The following BCORL1 variants were observed in gnomAD, a reference collection of about 807,000 sequenced individuals.
BCORL1 encodes BCL-6 corepressor-like protein 1.
BCORL1 carries 7 observed loss-of-function variants against 87.6 expected under a neutral mutation model. The observed-to-expected ratio is 0.08, with a 90% confidence interval of 0.05 to 0.15. The LOEUF is 0.15. Among genes scored for constraint, BCORL1 ranks in the 10% least tolerant of loss-of-function variants. BCORL1 has a pLI of 1.00. For missense variants in BCORL1, 1,215 were observed against 1,499.7 expected (o/e 0.81, Z 3.13); for synonymous variants, 591 against 634.4 (o/e 0.93, Z 1.03).
chrX:130,042,361 C>T (rs1469879925), intron 11 of BCORL1, among the ~76,000 whole-genome samples: 1 of 112,233 alleles, frequency 8.9e-6, no homozygotes, highest in Admixed American at 9.5e-5. Flanking sequence ...TCCCAAAGTG[C>T]TGGAATTACA....
At chrX:130,033,485 G>T (rs1355310267) in intron 8 of BCORL1, among the ~76,000 whole-genome samples, 1 of 112,565 alleles carries the variant, frequency 8.9e-6, no homozygotes, top group Non-Finnish European at 1.9e-5. Context: ...CTCAGAGAGG[G>T]AGGGCCTTGC....
intron 11 of BCORL1, among the ~76,000 whole-genome samples, chrX:130,043,744 T>A (rs1326044383): frequency 2.4e-5 from 1 of 41,150 alleles, no homozygotes; most frequent in Admixed American, 3.4e-4. Flanking sequence ...CCAGCTAATT[T>A]GTTATATATA....
Position 130,005,296 on chromosome X carries a change from T to C in BCORL1, c.65T>C (p.Met22Thr). The change falls in exon 2 of 14, where the codon ATG becomes ACG. Residue 22 changes from methionine (M) to threonine (T), a missense_variant. Met to Thr is a moderately conservative substitution (Grantham distance 81). Transcript: ENST00000540052. ...HNWTSSDRIRMCGINEERRAP... is the reference protein window; with the variant it reads ...HNWTSSDRIRTCGINEERRAP... ...TGGACCAGTTCTGACCGGATTCGCA[T>C]GTGTGGCATCAACGAGGAGAGGTGA... 2 of 1,211,879 alleles carry C rather than the reference T, an allele frequency of 1.7e-6. No homozygotes were observed. The highest frequency in any genetic ancestry group is 2.2e-6 in the Non-Finnish European group (2 of 895,418).
chrX:129,999,297 C>CTTTTTTTT (rs1213156086), intron 1 of BCORL1, among the ~76,000 whole-genome samples: 1 of 39,091 alleles, frequency 2.6e-5, no homozygotes, highest in African/African-American at 1.1e-4. Flanking sequence ...TGAAACACAT[C>CTTTTTTTT]TTTTTTTTTT....
chrX:130,030,821 C>T (rs775379828), intron 8 of BCORL1, among the ~76,000 whole-genome samples: 34 of 112,109 alleles, frequency 3.0e-4, no homozygotes, highest in African/African-American at 9.1e-4. Context: ...GCAGTGGGTC[C>T]GCTGCAGTGT....
intron 4 of BCORL1, among the ~76,000 whole-genome samples, chrX:130,016,978 A>G (rs1322087138): frequency 8.9e-6 from 1 of 111,892 alleles, no homozygotes; most frequent in Non-Finnish European, 1.9e-5. Flanking sequence ...TTTATTAAAA[A>G]TCTAGAACAA....
intron 7 of BCORL1, among the ~76,000 whole-genome samples, chrX:130,026,255 G>GCTGT (rs1191326839): frequency 1.8e-5 from 2 of 112,273 alleles, no homozygotes; most frequent in Non-Finnish European, 3.8e-5. Flanking sequence ...GTAAACATCC[G>GCTGT]CTGTCTCCTT....
intron 1 of BCORL1, among the ~76,000 whole-genome samples, chrX:130,001,048 C>T (rs750423791): frequency 6.4e-5 from 7 of 109,925 alleles, no homozygotes; most frequent in Non-Finnish European, 1.3e-4. Flanking sequence ...CGTAAGGTGT[C>T]GTGGAGGAAA....
intron 6 of BCORL1, among the ~76,000 whole-genome samples, chrX:130,024,425 CCTT>C (rs1433093172): frequency 3.6e-5 from 4 of 111,133 alleles, no homozygotes; most frequent in Non-Finnish European, 5.7e-5. Context: ...GAAAGGGACT[CCTT>C]CTTGCTTCGC....
intron 4 of BCORL1, among the ~76,000 whole-genome samples, chrX:130,020,470 T>C (rs190391263): frequency 8.9e-6 from 1 of 112,277 alleles, no homozygotes; most frequent in African/African-American, 3.2e-5. Flanking sequence ...GTTTTTCTTC[T>C]TGCCTTAGTT....
chrX:130,008,725 G>A (rs969969661), intron 2 of BCORL1, among the ~76,000 whole-genome samples: 2 of 111,750 alleles, frequency 1.8e-5, no homozygotes, highest in East Asian at 2.8e-4. Context: ...TTTACAACTT[G>A]TAGAATTTAG....
intron 2 of BCORL1, among the ~76,000 whole-genome samples, chrX:130,006,488 G>A (rs1928507368): frequency 9.2e-6 from 1 of 108,625 alleles, no homozygotes; most frequent in Non-Finnish European, 1.9e-5. Context: ...AGCCTCCCGA[G>A]TAGCTGGGAC....
chrX:130,023,259 G>C (rs1929980429), intron 6 of BCORL1, among the ~76,000 whole-genome samples: 1 of 112,057 alleles, frequency 8.9e-6, no homozygotes, highest in Admixed American at 9.5e-5. Context: ...GGTAAGGCCT[G>C]TGCCACTCGG....
chrX:129,984,392 G>T (rs1926425491), intron 1 of BCORL1, among the ~76,000 whole-genome samples: 1 of 109,272 alleles, frequency 9.2e-6, no homozygotes, highest in East Asian at 2.9e-4. Flanking sequence ...GGACGACGAC[G>T]ACGAGGAGCC....
chrX:130,004,996 A>G (rs1928374500), intron 1 of BCORL1, among the ~76,000 whole-genome samples, 192 bp from the exon 2 acceptor site: 1 of 112,718 alleles, frequency 8.9e-6, no homozygotes, highest in Non-Finnish European at 1.9e-5. Flanking sequence ...CCTCATCTCC[A>G]TCCTGAAACC....
intron 6 of BCORL1, among the ~76,000 whole-genome samples, chrX:130,023,396 C>T (rs1379449637): frequency 1.8e-5 from 2 of 111,622 alleles, no homozygotes; most frequent in Non-Finnish European, 3.8e-5. Context: ...TTGGAAAAGT[C>T]ATTGAATCGT....
At chrX:130,039,665 AT>A (rs1931201072) in intron 11 of BCORL1, among the ~76,000 whole-genome samples, 1 of 112,803 alleles carries the variant, frequency 8.9e-6, no homozygotes, top group African/African-American at 3.2e-5. Flanking sequence ...GATACTTAGC[AT>A]TTTGCTTATG....
In BCORL1 at chrX:130,025,300, A is replaced by G; in HGVS notation, c.3999A>G (p.Arg1333=). Residue 1333 remains arginine, a synonymous_variant, in exon 7 of 14, where the codon AGA becomes AGG. Coordinates refer to ENST00000540052, the MANE Select transcript of BCORL1 (RefSeq NM_001379451.1). The stretch of plus-strand genomic sequence containing the variant: ...GCCTGCTGAAGAGGAAGAAACGAAG[A>G]CGGCAGAAGAGCCGAAAATATCAGA... The part of the protein sequence containing the change: ...EEGLLKRKKR[R]RQKSRKYQTG... The G allele has an allele frequency of 8.3e-7, 1 of 1,198,350 alleles. No individual in the cohort carries two copies. The highest frequency in any genetic ancestry group is 1.1e-6 in the Non-Finnish European group (1 of 889,847).
chrX:130,048,128 G>A (rs1931865106), intron 11 of BCORL1, among the ~76,000 whole-genome samples: 1 of 112,083 alleles, frequency 8.9e-6, no homozygotes, highest in South Asian at 3.7e-4. Flanking sequence ...TTCCTACTGG[G>A]GGAAACCCGC....
Sources: allele counts gnomAD v4.1 joint callset (sites outside exome capture counted in the v4.1 genomes callset), GRCh38; gene constraint gnomAD v4.1.1; transcripts MANE v1.5; gene names NCBI Gene and HGNC (gene_info 2026-07-23, HGNC 2026-07-21).